Variants in ITGAV observed in about 807,000 individuals in gnomAD.
ITGAV encodes integrin subunit alpha V, also known as integrin alpha-V.
A neutral mutation model predicts 143.8 loss-of-function variants in ITGAV; 76 were observed. That is an observed-to-expected ratio of 0.53 (90% confidence interval 0.44 to 0.64). ITGAV has a LOEUF of 0.64. Ranked by LOEUF, ITGAV falls within the 30% of genes least tolerant of loss-of-function variation. The probability of loss-of-function intolerance (pLI) is 0.00; values close to 1 mark genes in which losing one functional copy is unlikely to be tolerated. For synonymous variants in ITGAV, 453 were observed against 446.7 expected (o/e 1.01, Z -0.18); for missense variants, 1,193 against 1,274.7 (o/e 0.94, Z 0.98).
intron 2 of ITGAV, among the ~76,000 whole-genome samples, chr2:186,618,101 G>C (rs1687418838): frequency 6.6e-6 from 1 of 152,134 alleles, no homozygotes; most frequent in South Asian, 2.1e-4. Flanking sequence ...GCTTTCTTTT[G>C]CATTCTCTTC....
At chr2:186,601,985 T>A in intron 1 of ITGAV, 36 bp from the exon 2 acceptor site, 2 of 1,591,442 alleles carry the variant, frequency 1.3e-6, no homozygotes, top group Non-Finnish European at 1.7e-6. Context: ...ACACTTTGTT[T>A]CATTTAAACT....
In ITGAV at chr2:186,590,468, C is replaced by T. The variant is rs781708667; in HGVS notation, c.130C>T (p.Pro44Ser). ...DVDSPAEYSG[P>S]EGSYFGFAVD... ...GGACAGTCCTGCCGAGTACTCTGGC[C>T]CCGAGGGAAGTTACTTCGGCTTCGC... Residue 44 changes from proline to serine, a missense_variant, in exon 1 of 30, where the codon CCC becomes TCC. Physicochemically the swap from Pro to Ser is moderately conservative, Grantham distance 74. Transcript: ENST00000261023. 20 of 1,611,960 alleles carry T rather than the reference C, an allele frequency of 1.2e-5. No individual in the cohort carries two copies. In the South Asian group the frequency reaches 2.1e-4, roughly 17 times the overall value.
At chr2:186,655,840 G>A (rs1315219633) in intron 16 of ITGAV, among the ~76,000 whole-genome samples, 1 of 152,160 alleles carries the variant, frequency 6.6e-6, no homozygotes, top group Non-Finnish European at 1.5e-5. Context: ...ATGATGGTAT[G>A]AGTACATATG....
intron 27 of ITGAV, 38 bp from the exon 28 acceptor site, chr2:186,675,782 G>A (rs760124583): frequency 7.1e-6 from 11 of 1,544,774 alleles, no homozygotes; most frequent in Non-Finnish European, 4.5e-6. Context: ...TAAAAGGCCT[G>A]ATATCTGGGA....
chr2:186,651,692 C>CCATT (rs1688436198), intron 14 of ITGAV, among the ~76,000 whole-genome samples: 1 of 152,022 alleles, frequency 6.6e-6, no homozygotes, highest in Non-Finnish European at 1.5e-5. Context: ...ACTTATTTAG[C>CCATT]CATTCTGCTT....
intron 26 of ITGAV, 64 bp downstream of exon 26, chr2:186,669,878 C>G (rs2105748686): frequency 9.5e-7 from 1 of 1,056,430 alleles, no homozygotes; most frequent in Middle Eastern, 2.0e-4. Context: ...AGAACTGACG[C>G]CAAAGAACAT....
chr2:186,615,664 G>A (rs1310060869), intron 2 of ITGAV, among the ~76,000 whole-genome samples: 2 of 150,846 alleles, frequency 1.3e-5, no homozygotes, highest in Non-Finnish European at 3.0e-5. Context: ...GTCTTACTGA[G>A]TTGTAGGAGT....
In ITGAV at chr2:186,601,984, T is replaced by G. The variant is rs201906256; in HGVS notation, c.186-37T>G. ...TCAGAAGATATTGCTTACACTTTGTTTCATTTAAACTTTGGTCTGCCGCTT... is the reference window on the plus strand; with the variant it reads ...TCAGAAGATATTGCTTACACTTTGTGTCATTTAAACTTTGGTCTGCCGCTT... On this transcript the variant is annotated intron_variant, in intron 1 of 29. Transcript: ENST00000261023. 6.9e-6 allele frequency: 11 copies of G among 1,591,118 alleles called. No individual in the cohort carries two copies. In the African/African-American group the frequency reaches 1.5e-4, roughly 22 times the overall value.
At chr2:186,636,244 T>C in intron 7 of ITGAV, 37 bp downstream of exon 7, 2 of 1,556,914 alleles carry the variant, frequency 1.3e-6, no homozygotes, top group Non-Finnish European at 1.8e-6. Context: ...TTTGGAACTG[T>C]GGTACATATA....
intron 6 of ITGAV, among the ~76,000 whole-genome samples, chr2:186,634,009 C>A (rs1451014861): frequency 6.6e-6 from 1 of 151,954 alleles, no homozygotes; most frequent in Non-Finnish European, 1.5e-5. Context: ...GTCTGGGTAG[C>A]AGAGTGACAC....
chr2:186,676,978 GA>G, intron 29 of ITGAV, 43 bp downstream of exon 29: 1 of 1,586,404 alleles, frequency 6.3e-7, no homozygotes, highest in Non-Finnish European at 8.6e-7. Context: ...GAAAGCAGAA[GA>G]AAAGGGAAAG....
At chr2:186,618,351 C>T (rs1473079825) in intron 2 of ITGAV, among the ~76,000 whole-genome samples, 1 of 152,158 alleles carries the variant, frequency 6.6e-6, no homozygotes, top group Non-Finnish European at 1.5e-5. Flanking sequence ...CCAATATACG[C>T]CAATGCATTA....
At chr2:186,612,104 G>C (rs1268802121) in intron 2 of ITGAV, among the ~76,000 whole-genome samples, 2 of 152,138 alleles carry the variant, frequency 1.3e-5, no homozygotes, top group African/African-American at 4.8e-5. Context: ...GATAATTGTG[G>C]ATATTCTTAA....
At chr2:186,593,460 T>TG (rs34040304) in intron 1 of ITGAV, among the ~76,000 whole-genome samples, 14 of 73,926 alleles carry the variant, frequency 1.9e-4, no homozygotes, top group Middle Eastern at 5.8e-3. Flanking sequence ...ATTCGCATTC[T>TG]GTTTTTTTTT....
Position 186,667,748 on chromosome 2 carries a change from T to C in ITGAV, c.2405T>C (p.Val802Ala), listed in dbSNP as rs1688940356. 1.9e-6 allele frequency: 3 copies of C among 1,610,736 alleles called. No individual in the cohort carries two copies. The highest frequency in any genetic ancestry group is 1.3e-5 in the African/African-American group (1 of 74,958). The change falls in exon 24 of 30, where the codon GTT (valine) becomes GCT (alanine). Residue 802 changes from valine to alanine, a missense_variant. Physicochemically the swap from Val to Ala is moderately conservative, Grantham distance 64. Coordinates refer to ENST00000261023, the MANE Select transcript of ITGAV (RefSeq NM_002210.5). ...GAGAACCCTGAGACTGAAGAAGATGTTGGGCCAGTTGTTCAGCACATCTAT... is the reference window on the plus strand; with the variant it reads ...GAGAACCCTGAGACTGAAGAAGATGCTGGGCCAGTTGTTCAGCACATCTAT... Reference protein sequence around the residue: ...HKENPETEEDVGPVVQHIYEL... With the variant: ...HKENPETEEDAGPVVQHIYEL...
intron 25 of ITGAV, 34 bp downstream of exon 25, chr2:186,668,954 G>A: frequency 6.7e-7 from 1 of 1,501,846 alleles, no homozygotes; most frequent in Non-Finnish European, 9.0e-7. Flanking sequence ...TCATTACAAT[G>A]ATATTTCATT....
intron 2 of ITGAV, among the ~76,000 whole-genome samples, chr2:186,616,006 T>C (rs897859587): frequency 6.6e-6 from 1 of 152,110 alleles, no homozygotes; most frequent in Non-Finnish European, 1.5e-5. Context: ...CCAAATTATT[T>C]TTTTTGCATA....
chr2:186,653,468 A>G (rs1457854775), intron 15 of ITGAV, among the ~76,000 whole-genome samples: 1 of 152,170 alleles, frequency 6.6e-6, no homozygotes, highest in Non-Finnish European at 1.5e-5. Flanking sequence ...GGTGCCTAAA[A>G]AAGTTTTACT....
At position 186,675,723 on chromosome 2, in the gene ITGAV, T is replaced by C; in HGVS notation, c.2820+6T>C. ...GGACTGAGACTTTTATGAATGTAAG[T>C]AGACAGGTGCAGCATTTAGCAAACA... On this transcript the variant is annotated splice_donor_region_variant and intron_variant, in intron 27 of 29. Coordinates refer to ENST00000261023, the MANE Select transcript of ITGAV (RefSeq NM_002210.5). 4 of 1,597,108 alleles carry C rather than the reference T, an allele frequency of 2.5e-6. No homozygotes were observed. The highest frequency in any genetic ancestry group is 2.6e-6 in the Non-Finnish European group (3 of 1,164,538).
Sources: gnomAD v4.1 joint callset for allele counts (sites outside exome capture counted in the v4.1 genomes callset) on GRCh38, gnomAD v4.1.1 for gene constraint, MANE v1.5 for transcripts, NCBI Gene and HGNC (gene_info 2026-07-23, HGNC 2026-07-21) for gene names.